Variants in TXNRD1 observed in about 807,000 individuals in gnomAD.
The protein encoded by TXNRD1 is thioredoxin reductase 1, also known as thioredoxin reductase 1, cytoplasmic.
A neutral mutation model predicts 80.3 loss-of-function variants in TXNRD1; 57 were observed. The ratio of observed to expected loss-of-function variants is 0.71; its 90% confidence interval spans 0.57 to 0.89. The LOEUF (loss-of-function observed/expected upper bound fraction) is 0.89. TXNRD1 is among the 40% of genes least tolerant of loss of function. The pLI is 0.00. For synonymous variants in TXNRD1, 291 were observed against 285.2 expected, an observed-to-expected ratio of 1.02 and a Z score of -0.20; for missense variants, 730 against 803.0, an observed-to-expected ratio of 0.91 and a Z score of 1.10.
chr12:104,254,455 G>A (rs1264968407), intron 2 of TXNRD1, among the ~76,000 whole-genome samples: 1 of 151,264 alleles, frequency 6.6e-6, no homozygotes, highest in Non-Finnish European at 1.5e-5. Flanking sequence ...TGCCAACTAT[G>A]TGCCAGGCAT....
Position 104,304,814 on chromosome 12 carries a change from G to A in TXNRD1, c.415-6476G>A, listed in dbSNP as rs1042067426. 16 of 1,613,884 alleles carry A rather than the reference G, an allele frequency of 9.9e-6. No individual in the cohort carries two copies. In the Admixed American group the frequency reaches 2.0e-4, roughly 20 times the overall value. On this transcript the variant is annotated intron_variant, in intron 4 of 16. Transcript: ENST00000525566. Reference sequence around the variant, plus strand: ...GATGAATGTTAACCAAATGGGTGAGGGAAATGATTCCAGTTGCCATGGCAG... The same window carrying A: ...GATGAATGTTAACCAAATGGGTGAGAGAAATGATTCCAGTTGCCATGGCAG...
chr12:104,238,323 G>A (rs1040241025), intron 1 of TXNRD1, among the ~76,000 whole-genome samples: 20 of 152,206 alleles, frequency 1.3e-4, no homozygotes, highest in African/African-American at 4.6e-4. Context: ...CATAGAGAAA[G>A]AATGTATGGG....
chr12:104,346,795 A>T (rs1391872484), intron 16 of TXNRD1, among the ~76,000 whole-genome samples: 1 of 152,098 alleles, frequency 6.6e-6, no homozygotes, highest in Non-Finnish European at 1.5e-5. Flanking sequence ...TATAATGAGT[A>T]TAAAAAGGAT....
intron 3 of TXNRD1, among the ~76,000 whole-genome samples, chr12:104,264,898 T>C (rs969093609): frequency 3.9e-5 from 6 of 152,138 alleles, no homozygotes; most frequent in African/African-American, 1.4e-4. Context: ...CTTTAAATGG[T>C]GTGTACTAAT....
chr12:104,254,644 A>AATATATATAT (rs1178469026), intron 2 of TXNRD1, among the ~76,000 whole-genome samples: 10 of 93,626 alleles, frequency 1.1e-4, no homozygotes, highest in African/African-American at 5.2e-4. Context: ...AAAAAAAAAA[A>AATATATATAT]ATATATATAT....
At chr12:104,243,638 A>G (rs1199766496) in intron 1 of TXNRD1, among the ~76,000 whole-genome samples, 1 of 152,160 alleles carries the variant, frequency 6.6e-6, no homozygotes, top group Admixed American at 6.5e-5. Flanking sequence ...GAAATCCTTG[A>G]TTTCTTCTGA....
chr12:104,321,378 T>G, intron 10 of TXNRD1, 62 bp downstream of exon 10: 1 of 1,366,308 alleles, frequency 7.3e-7, no homozygotes, highest in Non-Finnish European at 1.0e-6. Flanking sequence ...AAAAAGAGAG[T>G]TGAGTTGGTG....
At chr12:104,266,524 C>CA (rs60829935) in intron 3 of TXNRD1, among the ~76,000 whole-genome samples, 7,405 of 111,464 alleles carry the variant, frequency 0.066, 380 homozygotes, top group East Asian at 0.17. Context: ...GAATTCATCT[C>CA]AAAAAAAAAA....
At chr12:104,237,416 T>C (rs1327755184) in intron 1 of TXNRD1, among the ~76,000 whole-genome samples, 2 of 152,160 alleles carry the variant, frequency 1.3e-5, no homozygotes. Flanking sequence ...AAATGCATGG[T>C]AGAAGCACTA....
chr12:104,294,233 G>GGCGC (rs60817773), intron 4 of TXNRD1, among the ~76,000 whole-genome samples: 8,160 of 68,798 alleles, frequency 0.12, 2,350 homozygotes, highest in Non-Finnish European at 0.16. Flanking sequence ...CCGGGGAAAG[G>GGCGC]CCCCCCCCCC....
chr12:104,248,533 C>T (rs895552709), intron 1 of TXNRD1, among the ~76,000 whole-genome samples: 1 of 152,210 alleles, frequency 6.6e-6, no homozygotes. Context: ...GATCCAACTG[C>T]ATCGCCTCCC....
At chr12:104,292,729 C>A (rs1189396118) in intron 4 of TXNRD1, among the ~76,000 whole-genome samples, 1 of 151,968 alleles carries the variant, frequency 6.6e-6, no homozygotes, top group African/African-American at 2.4e-5. Context: ...AAATAAGCTC[C>A]CTCCAATAAT....
chr12:104,342,756 G>A (rs1433027494), intron 16 of TXNRD1, among the ~76,000 whole-genome samples: 2 of 152,202 alleles, frequency 1.3e-5, no homozygotes, highest in Admixed American at 1.3e-4. Context: ...TTGGGGCATT[G>A]TGATTCAGCC....
intron 4 of TXNRD1, among the ~76,000 whole-genome samples, chr12:104,294,242 C>CCCCG (rs57647930): frequency 8.4e-6 from 1 of 119,148 alleles, no homozygotes; most frequent in African/African-American, 3.2e-5. Context: ...GGCCCCCCCC[C>CCCCG]CCGCCGCCGG....
chr12:104,287,269 G>T, intron 3 of TXNRD1: 2 of 1,613,972 alleles, frequency 1.2e-6, no homozygotes, highest in Non-Finnish European at 1.7e-6. Flanking sequence ...AGCAGACGGG[G>T]AGGCTTTTCC....
At chr12:104,333,063 A>G (rs1311420829) in intron 14 of TXNRD1, among the ~76,000 whole-genome samples, 1 of 151,906 alleles carries the variant, frequency 6.6e-6, no homozygotes, top group Non-Finnish European at 1.5e-5. Flanking sequence ...ATTCTCTAAA[A>G]TCTCCATTTA....
chr12:104,277,399 CAAA>C (rs373722163), intron 3 of TXNRD1, among the ~76,000 whole-genome samples: 1 of 134,572 alleles, frequency 7.4e-6, no homozygotes, highest in Admixed American at 7.6e-5. Context: ...GACTCTGTCT[CAAA>C]AAAAAAAAAA....
chr12:104,254,644 A>ATATATATAT (rs1555207848), intron 2 of TXNRD1, among the ~76,000 whole-genome samples: 68 of 93,634 alleles, frequency 7.3e-4, no homozygotes, highest in African/African-American at 3.0e-3. Flanking sequence ...AAAAAAAAAA[A>ATATATATAT]ATATATATAT....
intron 3 of TXNRD1, among the ~76,000 whole-genome samples, chr12:104,281,438 A>C (rs2033876432): frequency 8.6e-6 from 1 of 116,128 alleles, no homozygotes; most frequent in Non-Finnish European, 1.6e-5. Context: ...ATGGAGTCTC[A>C]CTGTGTCGCC....
Sources: allele counts gnomAD v4.1 joint callset (sites outside exome capture counted in the v4.1 genomes callset), GRCh38; gene constraint gnomAD v4.1.1; transcripts MANE v1.5; gene names NCBI Gene and HGNC (gene_info 2026-07-23, HGNC 2026-07-21).